Variants in NCK2 observed in about 807,000 individuals in gnomAD.
NCK2 encodes NCK adaptor protein 2.
A neutral mutation model predicts 33.9 loss-of-function variants in NCK2; 16 were observed. The ratio of observed to expected loss-of-function variants is 0.47; its 90% confidence interval spans 0.32 to 0.72. The LOEUF is 0.72. NCK2 is among the 30% of genes least tolerant of loss of function. NCK2 has a pLI of 0.03. For missense variants in NCK2, 418 were observed against 537.3 expected, an observed-to-expected ratio of 0.78 and a Z score of 2.19; for synonymous variants, 273 against 239.9, an observed-to-expected ratio of 1.14 and a Z score of -1.27.
intron 3 of NCK2, among the ~76,000 whole-genome samples, chr2:105,864,878 TC>T (rs1677687119): frequency 6.9e-6 from 1 of 144,556 alleles, no homozygotes; most frequent in Admixed American, 6.7e-5. Context: ...CACACACGGT[TC>T]CCTGCAAATG....
chr2:105,802,878 CTGTT>C (rs1022872265), intron 1 of NCK2, among the ~76,000 whole-genome samples: 1 of 151,794 alleles, frequency 6.6e-6, no homozygotes, highest in African/African-American at 2.4e-5. Context: ...ACCCAGTTGT[CTGTT>C]TCATCTGCTG....
chr2:105,890,810 A>C (rs1312209309), intron 4 of NCK2, among the ~76,000 whole-genome samples: 1 of 152,220 alleles, frequency 6.6e-6, no homozygotes, highest in Non-Finnish European at 1.5e-5. Context: ...CAAGGGTTGC[A>C]CACTTCTCAT....
At chr2:105,810,404 G>A (rs1426179071) in intron 1 of NCK2, among the ~76,000 whole-genome samples, 1 of 152,150 alleles carries the variant, frequency 6.6e-6, no homozygotes, top group African/African-American at 2.4e-5. Context: ...TTGCTTTCCT[G>A]ACTCCTCACT....
Position 105,892,429 on chromosome 2 carries a change from G to A in NCK2, c.949-553G>A, listed in dbSNP as rs1188645717. Among the ~76,000 whole-genome samples the A allele has an allele frequency of 2.0e-5, 3 of 152,168 alleles. No homozygotes were observed. The South Asian group carries it at 6.2e-4, about 31-fold the overall frequency. ...TTTGCACTTTTCAAATAACTAAAAC[G>A]CATTTAGCACTGAAACTGGGCTAAG... On this transcript the variant is annotated intron_variant, in intron 4 of 4. Coordinates refer to ENST00000233154, the MANE Select transcript of NCK2 (RefSeq NM_003581.5).
intron 1 of NCK2, among the ~76,000 whole-genome samples, chr2:105,783,944 T>A (rs1420445465): frequency 6.6e-6 from 1 of 152,248 alleles, no homozygotes. Flanking sequence ...ACACCCTTTC[T>A]CTGCAGAAGA....
chr2:105,797,237 C>G (rs2104438986), intron 1 of NCK2, among the ~76,000 whole-genome samples: 1 of 152,234 alleles, frequency 6.6e-6, no homozygotes, highest in African/African-American at 2.4e-5. Flanking sequence ...TATTTCAGCT[C>G]CTATACTAGT....
chr2:105,879,396 G>A (rs939949340), intron 3 of NCK2, among the ~76,000 whole-genome samples: 4 of 152,156 alleles, frequency 2.6e-5, no homozygotes, highest in Non-Finnish European at 4.4e-5. Context: ...GAGCTGTGGC[G>A]GTATCATGGT....
At chr2:105,863,418 A>G (rs1050646493) in intron 3 of NCK2, among the ~76,000 whole-genome samples, 1 of 152,154 alleles carries the variant, frequency 6.6e-6, no homozygotes. Context: ...CTCTGCTGTG[A>G]GTGACCTTTG....
At chr2:105,744,865 T>TCGCCGCCGCCGCCGCCGGGTCGC (rs1553448920), upstream of NCK2, 2 of 153,268 alleles carry the variant, frequency 1.3e-5, no homozygotes, top group Non-Finnish European at 2.7e-5. Context: ...CGGGGGAGGG[T>TCGCCGCCGCCGCCGCCGGGTCGC]CGCCGCCGCC....
intron 1 of NCK2, among the ~76,000 whole-genome samples, chr2:105,810,447 G>A (rs993727000): frequency 6.6e-6 from 1 of 152,072 alleles, no homozygotes; most frequent in African/African-American, 2.4e-5. Context: ...TCAGAAAAAG[G>A]GGGGTTTGCA....
intron 2 of NCK2, among the ~76,000 whole-genome samples, chr2:105,849,963 G>A (rs574774824): frequency 1.3e-5 from 2 of 152,280 alleles, no homozygotes; most frequent in South Asian, 4.2e-4. Context: ...CTGGGCTATT[G>A]AAGAGGCAGC....
At chr2:105,775,717 C>G (rs1184166576) in intron 1 of NCK2, among the ~76,000 whole-genome samples, 1 of 152,052 alleles carries the variant, frequency 6.6e-6, no homozygotes, top group African/African-American at 2.4e-5. Context: ...TCCTTCCTAC[C>G]CTGGGAGCCT....
At chr2:105,876,094 C>G (rs565019563) in intron 3 of NCK2, among the ~76,000 whole-genome samples, 96 of 152,246 alleles carry the variant, frequency 6.3e-4, no homozygotes, top group Non-Finnish European at 1.2e-3. Context: ...ACACAGCATG[C>G]CAGCCATTGG....
chr2:105,869,407 G>A (rs1573227457), intron 3 of NCK2, among the ~76,000 whole-genome samples: 1 of 152,168 alleles, frequency 6.6e-6, no homozygotes, highest in African/African-American at 2.4e-5. Flanking sequence ...GGTACCAGGG[G>A]TTTCCTTGTG....
intron 3 of NCK2, among the ~76,000 whole-genome samples, chr2:105,871,405 G>A (rs529099906): frequency 5.3e-5 from 8 of 152,308 alleles, no homozygotes; most frequent in African/African-American, 1.9e-4. Context: ...ATGGAGGGAA[G>A]GCCAGTGGTG....
chr2:105,880,510 G>C (rs1224279578), intron 3 of NCK2, among the ~76,000 whole-genome samples: 1 of 152,174 alleles, frequency 6.6e-6, no homozygotes, highest in African/African-American at 2.4e-5. Flanking sequence ...TGGGGGCAGT[G>C]AGTGTCCCAG....
At chr2:105,798,601 G>A (rs1272319574) in intron 1 of NCK2, among the ~76,000 whole-genome samples, 1 of 152,122 alleles carries the variant, frequency 6.6e-6, no homozygotes, top group African/African-American at 2.4e-5. Flanking sequence ...ATGTAAGCTT[G>A]GAGTAAAGAC....
At chr2:105,876,972 C>A (rs181322274) in intron 3 of NCK2, among the ~76,000 whole-genome samples, 1 of 152,166 alleles carries the variant, frequency 6.6e-6, no homozygotes, top group Non-Finnish European at 1.5e-5. Flanking sequence ...CCTGCTTGTT[C>A]TGCAGCAGAA....
intron 1 of NCK2, among the ~76,000 whole-genome samples, chr2:105,767,671 A>G (rs1689991375): frequency 2.0e-5 from 3 of 152,242 alleles, no homozygotes; most frequent in African/African-American, 7.2e-5. Flanking sequence ...TTCCAGAAGA[A>G]GAACCGCAGC....
Sources: allele counts gnomAD v4.1 joint callset (sites outside exome capture counted in the v4.1 genomes callset), GRCh38; gene constraint gnomAD v4.1.1; transcripts MANE v1.5; gene names NCBI Gene and HGNC (gene_info 2026-07-23, HGNC 2026-07-21).